Variants in ABHD3 observed in about 807,000 individuals in gnomAD.
ABHD3 encodes the protein phospholipase ABHD3.
ABHD3 carries 46 observed loss-of-function variants against 48.8 expected under a neutral mutation model. That is an observed-to-expected ratio of 0.94 (90% confidence interval 0.74 to 1.20). The LOEUF is 1.20. Among genes scored for constraint, ABHD3 ranks in the 50% most tolerant of loss-of-function variants. The probability of loss-of-function intolerance (pLI) is 0.00; values close to 1 mark genes in which losing one functional copy is unlikely to be tolerated. For synonymous variants in ABHD3, 192 were observed against 183.7 expected, an observed-to-expected ratio of 1.04 and a Z score of -0.36; for missense variants, 490 against 497.8, an observed-to-expected ratio of 0.98 and a Z score of 0.15.
intron 3 of ABHD3, among the ~76,000 whole-genome samples, chr18:21,699,825 G>A (rs9966913): frequency 0.02 from 3,087 of 151,984 alleles, 95 homozygotes; most frequent in African/African-American, 0.066. Context: ...TTATAGGCAC[G>A]CGCTGCCATG....
intron 7 of ABHD3, 22 bp from the exon 8 acceptor site, chr18:21,657,048 T>C (rs1373204061): frequency 6.2e-7 from 1 of 1,613,912 alleles, no homozygotes; most frequent in Non-Finnish European, 8.5e-7. Context: ...AAACAAATTA[T>C]ATCTAGTCTT....
chr18:21,683,841 A>G, intron 4 of ABHD3, 79 bp downstream of exon 4: 1 of 1,358,546 alleles, frequency 7.4e-7, no homozygotes, highest in Non-Finnish European at 1.0e-6. Flanking sequence ...TATTTTAAAT[A>G]AAAAGAATAT....
chr18:21,668,263 T>G (rs2039683850), intron 4 of ABHD3, among the ~76,000 whole-genome samples: 1 of 149,386 alleles, frequency 6.7e-6, no homozygotes, highest in South Asian at 2.1e-4. Context: ...TGCTCATTCA[T>G]AGTGACTTCA....
intron 4 of ABHD3, among the ~76,000 whole-genome samples, chr18:21,666,933 G>C (rs557076151): frequency 6.6e-6 from 1 of 152,024 alleles, no homozygotes; most frequent in East Asian, 1.9e-4. Flanking sequence ...ACAAGGAGAG[G>C]AATCTGGTAA....
chr18:21,666,530 A>C (rs1344940541), intron 4 of ABHD3, among the ~76,000 whole-genome samples: 2 of 151,850 alleles, frequency 1.3e-5, no homozygotes, highest in Non-Finnish European at 2.9e-5. Context: ...GGATTTCACC[A>C]TGTTGGCCAG....
intron 3 of ABHD3, among the ~76,000 whole-genome samples, chr18:21,696,954 G>GC (rs1219522179): frequency 6.6e-6 from 1 of 151,972 alleles, no homozygotes; most frequent in Non-Finnish European, 1.5e-5. Flanking sequence ...ATCTGGCTTA[G>GC]CAACTTTCTC....
intron 4 of ABHD3, among the ~76,000 whole-genome samples, chr18:21,668,414 T>C (rs2039686577): frequency 1.3e-5 from 2 of 152,158 alleles, no homozygotes; most frequent in South Asian, 4.1e-4. Context: ...TTATATAGGC[T>C]TTAACTATAT....
At chr18:21,676,657 C>G (rs1413015960) in intron 4 of ABHD3, among the ~76,000 whole-genome samples, 1 of 152,216 alleles carries the variant, frequency 6.6e-6, no homozygotes, top group Non-Finnish European at 1.5e-5. Flanking sequence ...TCCCAAAGTG[C>G]TGGGATTACC....
chr18:21,666,820 C>T (rs190336609), intron 4 of ABHD3, among the ~76,000 whole-genome samples: 1 of 152,092 alleles, frequency 6.6e-6, no homozygotes, highest in East Asian at 1.9e-4. Flanking sequence ...ACGGATGCTT[C>T]ACTTGAGATC....
chr18:21,702,184 G>T (rs926115132), intron 3 of ABHD3, 132 bp downstream of exon 3: 1 of 787,476 alleles, frequency 1.3e-6, no homozygotes, highest in Non-Finnish European at 1.9e-6. Flanking sequence ...AAAGAATGCA[G>T]AGAAAAATAA....
At chr18:21,659,144 G>T in intron 6 of ABHD3, 26 bp downstream of exon 6, 1 of 1,605,128 alleles carries the variant, frequency 6.2e-7, no homozygotes, top group South Asian at 1.1e-5. Context: ...CGGCCCTGGA[G>T]ACAACAGATT....
chr18:21,658,950 T>C (rs945218815), intron 6 of ABHD3, among the ~76,000 whole-genome samples: 6 of 151,808 alleles, frequency 4.0e-5, no homozygotes, highest in African/African-American at 1.5e-4. Context: ...GCAATTCTCC[T>C]GCCTCAGCCT....
chr18:21,665,138 T>C (rs1039192897), intron 4 of ABHD3, among the ~76,000 whole-genome samples: 1 of 151,800 alleles, frequency 6.6e-6, no homozygotes, highest in African/African-American at 2.4e-5. Flanking sequence ...AGAGATGGGG[T>C]TTCACCATGT....
intron 4 of ABHD3, among the ~76,000 whole-genome samples, chr18:21,680,862 G>A (rs1015740741): frequency 2.7e-5 from 4 of 150,886 alleles, no homozygotes; most frequent in South Asian, 2.1e-4. Context: ...ATGTGTGTGT[G>A]TGTGTGTGTG....
chr18:21,701,538 C>T (rs568025171), intron 3 of ABHD3: 1 of 152,064 alleles, frequency 6.6e-6, no homozygotes, highest in South Asian at 2.1e-4. Flanking sequence ...TTACCATCAG[C>T]TTTTCACACA....
chr18:21,703,692 C>T lies in ABHD3; in HGVS notation c.218G>A (p.Cys73Tyr). Residue 73 changes from cysteine to tyrosine, a missense_variant, in exon 2 of 9, where the codon TGT (cysteine) becomes TAT (tyrosine). By Grantham distance (194) the Cys-to-Tyr change is radical (BLOSUM62 -2). Coordinates refer to ENST00000289119, the MANE Select transcript of ABHD3 (RefSeq NM_138340.5). Reference protein sequence around the residue: ...ESFSRFLQDHCPVVTETYYPT... With the variant: ...ESFSRFLQDHYPVVTETYYPT... ...GTAGTACGTTTCTGTAACCACGGGACAGTGGTCTTGAAGGAAGCGGCTGAA... is the reference window on the plus strand; with the variant it reads ...GTAGTACGTTTCTGTAACCACGGGATAGTGGTCTTGAAGGAAGCGGCTGAA... The T allele has an allele frequency of 6.2e-7, 1 of 1,614,088 alleles. No individual in the cohort carries two copies. The highest frequency in any genetic ancestry group is 8.5e-7 in the Non-Finnish European group (1 of 1,180,024).
At chr18:21,665,811 C>T (rs1056398203) in intron 4 of ABHD3, among the ~76,000 whole-genome samples, 1 of 106,406 alleles carries the variant, frequency 9.4e-6, no homozygotes, top group Non-Finnish European at 2.0e-5. Context: ...GACTCCATCT[C>T]AAAAAAAAAA....
Position 21,704,606 on chromosome 18 carries a change from T to C in ABHD3, c.60A>G (p.Glu20=). ...MLSRELSLYL[E]HQVRVGFFGS... is the part of the protein sequence containing the mutation. The stretch of plus-strand genomic sequence containing the variant: ...CGAAGAACCCCACCCGGACTTGGTG[T>C]TCCAGGTAGAGGGAGAGCTCCCGGG... Residue 20 remains glutamate, a synonymous_variant, in exon 1 of 9, where the codon GAA becomes GAG. Transcript: ENST00000289119. The C allele has an allele frequency of 6.4e-7, 1 of 1,554,440 alleles. No individual in the cohort carries two copies. Among genetic ancestry groups the C allele is most frequent in the Non-Finnish European group, 8.7e-7 (1 of 1,152,940 alleles).
intron 5 of ABHD3, among the ~76,000 whole-genome samples, chr18:21,659,567 A>T (rs2039436020): frequency 6.6e-6 from 1 of 152,200 alleles, no homozygotes; most frequent in African/African-American, 2.4e-5. Flanking sequence ...AATCATAGTT[A>T]TTCCTTATAT....
Sources: gnomAD v4.1 joint callset for allele counts (sites outside exome capture counted in the v4.1 genomes callset) on GRCh38, gnomAD v4.1.1 for gene constraint, MANE v1.5 for transcripts, NCBI Gene and HGNC (gene_info 2026-07-23, HGNC 2026-07-21) for gene names.